The following COL5A1 variants were observed in gnomAD, a reference collection of about 807,000 sequenced individuals.
COL5A1 encodes the protein collagen alpha-1(V) chain.
In COL5A1, 16 loss-of-function variants were observed where a neutral mutation model predicts 263.7. The ratio of observed to expected loss-of-function variants is 0.06; its 90% CI spans 0.04 to 0.09. COL5A1 has a LOEUF of 0.09. Ranked by LOEUF, COL5A1 falls within the 10% of genes least tolerant of loss-of-function variation. COL5A1 has a pLI of 1.00. For missense variants in COL5A1, 2,036 were observed against 2,540.5 expected (o/e 0.80, Z 4.27); for synonymous variants, 1,012 against 1,004.5 (o/e 1.01, Z -0.14).
chr9:134,743,754 G>A (rs1288028852), intron 11 of COL5A1, among the ~76,000 whole-genome samples: 4 of 152,190 alleles, frequency 2.6e-5, no homozygotes, highest in African/African-American at 9.7e-5. Context: ...CACTCAGCAG[G>A]GGCTCAAACC....
chr9:134,782,026 A>G (rs1382746031), intron 28 of COL5A1, among the ~76,000 whole-genome samples: 2 of 152,262 alleles, frequency 1.3e-5, no homozygotes, highest in East Asian at 3.9e-4. Context: ...GAAGGATCTG[A>G]GGGCTTTTGC....
rs1033262221 is a variant in COL5A1, at chr9:134,750,840, A to C, written c.1620A>C (p.Ser540=). The C allele has an allele frequency of 6.2e-7, 1 of 1,613,174 alleles. No homozygotes were observed. The highest frequency in any genetic ancestry group is 8.5e-7 in the Non-Finnish European group (1 of 1,180,010). Residue 540 remains serine, a synonymous_variant, in exon 13 of 66, where the codon TCA becomes TCC. Coordinates refer to ENST00000371817, the MANE Select transcript of COL5A1 (RefSeq NM_000093.5). The part of the protein sequence containing the change: ...GDAGSKGPMV[S]AQESQAQAIL... ...CGGGCTCCAAAGGCCCCATGGTCTC[A>C]GCCCAGGAGTCCCAGGCGCAAGCCA...
intron 4 of COL5A1, among the ~76,000 whole-genome samples, chr9:134,722,051 G>A (rs1407114683): frequency 6.6e-6 from 1 of 152,254 alleles, no homozygotes; most frequent in African/African-American, 2.4e-5. Context: ...TGTAGGGCCT[G>A]GCAGACCCTT....
intron 1 of COL5A1, among the ~76,000 whole-genome samples, chr9:134,650,646 G>A (rs1378755359): frequency 1.3e-5 from 2 of 152,244 alleles, no homozygotes; most frequent in East Asian, 3.9e-4. Context: ...CCCATGGGGC[G>A]GTGGCCAGTC....
chr9:134,764,457 T>G (rs1836586733), intron 20 of COL5A1, among the ~76,000 whole-genome samples: 1 of 151,816 alleles, frequency 6.6e-6, no homozygotes, highest in African/African-American at 2.4e-5. Flanking sequence ...CTTGGGCCCG[T>G]TTCAATGGCC....
intron 52 of COL5A1, 68 bp downstream of exon 52, chr9:134,816,056 C>A: frequency 6.6e-7 from 1 of 1,519,096 alleles, no homozygotes; most frequent in Non-Finnish European, 9.1e-7. Flanking sequence ...TTGCAGCTTG[C>A]TTGACTCATT....
At chr9:134,795,409 T>TA in intron 34 of COL5A1, 94 bp downstream of exon 34, 1 of 1,082,176 alleles carries the variant, frequency 9.2e-7, no homozygotes, top group Non-Finnish European at 1.3e-6. Context: ...TGACCTTTTT[T>TA]ATTAAAAAAA....
rs201785573 is a variant in COL5A1, at chr9:134,767,020, C to T, written c.2154C>T (p.Gly718=). 6.2e-6 allele frequency: 10 copies of T among 1,613,426 alleles called. No individual in the cohort carries two copies. Among genetic ancestry groups the T allele is most frequent in the African/African-American group, 2.7e-5 (2 of 75,022 alleles). The change falls in exon 23 of 66, where the codon GGC becomes GGT. Residue 718 remains glycine (G), a synonymous_variant. Transcript: ENST00000371817. The stretch of plus-strand genomic sequence containing the variant: ...TGTAGGGTCCCCAGGGAGAGCCTGG[C>T]CCCCCAGGACAGCAGGGTAATCCAG... ...KGNVGPQGEP[G]PPGQQGNPGA...
chr9:134,722,572 C>T (rs1281187207), intron 4 of COL5A1, among the ~76,000 whole-genome samples: 1 of 152,220 alleles, frequency 6.6e-6, no homozygotes, highest in Non-Finnish European at 1.5e-5. Flanking sequence ...GGGCCCAGGA[C>T]CACAGCTGCC....
chr9:134,685,462 ATCCATTCAT>A (rs1833021386), intron 1 of COL5A1, among the ~76,000 whole-genome samples: 1 of 68,530 alleles, frequency 1.5e-5, no homozygotes, highest in Non-Finnish European at 2.7e-5. Flanking sequence ...CCATCCATCC[ATCCATTCAT>A]CCATCCATCC....
intron 1 of COL5A1, among the ~76,000 whole-genome samples, chr9:134,659,989 C>T (rs905321309): frequency 3.3e-5 from 5 of 152,272 alleles, no homozygotes; most frequent in Non-Finnish European, 5.9e-5. Flanking sequence ...AAGCCAGATG[C>T]TATAGCAGAT....
chr9:134,821,874 G>A lies in COL5A1; in HGVS notation c.4555-223G>A, dbSNP rs1839016101. ...TCCTGGCAGCCCAGCCGGGGGAGCA[G>A]TGCCGAGGGCTGGCAGCCTTGGGGT... On this transcript the variant is annotated intron_variant, in intron 58 of 65. Coordinates refer to ENST00000371817, the MANE Select transcript of COL5A1 (RefSeq NM_000093.5). This position sits in a 1 kb window ranked among gnomAD's most constrained non-coding sequence, Gnocchi z 4.2. Among the ~76,000 whole-genome samples, 1 of 152,244 alleles carries A rather than the reference G, an allele frequency of 6.6e-6. No individual in the cohort carries two copies. The highest frequency in any genetic ancestry group is 1.5e-5 in the Non-Finnish European group (1 of 68,048).
chr9:134,760,752 AC>A (rs1836376188), intron 18 of COL5A1, among the ~76,000 whole-genome samples: 1 of 126,910 alleles, frequency 7.9e-6, no homozygotes, highest in African/African-American at 3.1e-5. Flanking sequence ...ATGCACACAC[AC>A]CCCACACATA....
rs1417174760 is a variant in COL5A1 at position 134,842,161 on chromosome 9, A to G, written c.5375A>G (p.Lys1792Arg). Residue 1792 changes from lysine to arginine, a missense_variant, in exon 66 of 66, where the codon AAG becomes AGG. Lys to Arg is a conservative substitution (Grantham distance 26, BLOSUM62 2). Coordinates refer to ENST00000371817, the MANE Select transcript of COL5A1 (RefSeq NM_000093.5). This position sits in a 1 kb window ranked among gnomAD's most constrained non-coding sequence, Gnocchi z 5.8. Reference protein sequence around the residue: ...IRALVDGCATKKGYQKTVLEI... With the variant: ...IRALVDGCATRKGYQKTVLEI... ...ATCTGTCTCCCTCTTCCCCAGACCA[A>G]GAAAGGCTACCAGAAGACGGTTCTG... The G allele has an allele frequency of 7.4e-6, 12 of 1,614,122 alleles. No individual in the cohort carries two copies. The highest frequency in any genetic ancestry group is 1.0e-5 in the Non-Finnish European group (12 of 1,180,024).
intron 2 of COL5A1, among the ~76,000 whole-genome samples, chr9:134,699,044 C>T (rs1320298635): frequency 6.6e-6 from 1 of 152,202 alleles, no homozygotes; most frequent in Non-Finnish European, 1.5e-5. Context: ...ATCAACTAGC[C>T]ACAGGCCCTC....
At chr9:134,769,653 A>G (rs1158229707) in intron 25 of COL5A1, among the ~76,000 whole-genome samples, 1 of 152,178 alleles carries the variant, frequency 6.6e-6, no homozygotes, top group Admixed American at 6.5e-5. Context: ...ATGGGCCGCA[A>G]TCTGTGGGGA....
In COL5A1 at chr9:134,784,947, T is replaced by TGTGTG. The variant is rs201756651; in HGVS notation, c.2485-41_2485-40insTGTGG. The TGTGTG allele has an allele frequency of 5.0e-5, 63 of 1,249,438 alleles. No homozygotes were observed. In the African/African-American group the frequency reaches 1.2e-3, roughly 23 times the overall value. The allele number at this position is 1,249,438 out of a possible 1,614,324, so 77.4% of individuals were successfully genotyped here. On this transcript the variant is annotated intron_variant, in intron 29 of 65. Coordinates refer to ENST00000371817, the MANE Select transcript of COL5A1 (RefSeq NM_000093.5). Reference sequence around the variant, plus strand: ...GAATGGTGGTGGAGAATAGTGTGTGTGCGGGGGGTGGTCTTCTCACCTCCT... The same window carrying TGTGTG: ...GAATGGTGGTGGAGAATAGTGTGTGTGTGTGGCGGGGGGTGGTCTTCTCACCTCCT...
intron 29 of COL5A1, 71 bp downstream of exon 29, chr9:134,782,791 G>C: frequency 1.2e-4 from 143 of 1,201,916 alleles, no homozygotes; most frequent in Non-Finnish European, 1.7e-4. Context: ...AGGGGGTGGG[G>C]ATGTTTGCCG....
chr9:134,728,755 C>T lies in COL5A1; in HGVS notation c.872C>T (p.Thr291Ile). 6.2e-7 allele frequency: 1 copy of T among 1,614,200 alleles called. No individual in the cohort carries two copies. Among genetic ancestry groups the T allele is most frequent in the Non-Finnish European group, 8.5e-7 (1 of 1,180,038 alleles). Residue 291 changes from threonine to isoleucine, a missense_variant, in exon 6 of 66, where the codon ACC becomes ATC. Transcript: ENST00000371817. ...EDPEDLGKEP[T>I]PSKKPVEAAK... is the part of the protein sequence containing the mutation. ...CCCGAAGACCTAGGGAAGGAGCCCA[C>T]CCCCAGCAAGAAGCCCGTGGAAGCT... is the stretch of plus-strand genomic sequence containing the variant.
Sources: gnomAD v4.1 joint callset for allele counts (sites outside exome capture counted in the v4.1 genomes callset) on GRCh38, gnomAD v4.1.1 for gene constraint, Gnocchi (gnomAD v3.1) non-coding constraint, MANE v1.5 for transcripts, NCBI Gene and HGNC (gene_info 2026-07-23, HGNC 2026-07-21) for gene names.